SEPTIN9: variants seen among roughly 807,000 people sequenced by gnomAD.
SEPTIN9 encodes septin-9.
SEPTIN9 carries 13 observed loss-of-function variants against 56.6 expected under a neutral mutation model. The observed-to-expected ratio is 0.23, with a 90% CI of 0.15 to 0.37. The LOEUF (loss-of-function observed/expected upper bound fraction) is 0.37, where lower values mean the gene tolerates loss of function less well. SEPTIN9 is among the 10% of genes least tolerant of loss of function. SEPTIN9 has a pLI of 1.00. For missense variants in SEPTIN9, 650 were observed against 823.1 expected (o/e 0.79, Z 2.57); for synonymous variants, 332 against 334.1 (o/e 0.99, Z 0.07).
At chr17:77,325,945 G>A (rs2033121191) in intron 2 of SEPTIN9, among the ~76,000 whole-genome samples, 1 of 152,188 alleles carries the variant, frequency 6.6e-6, no homozygotes, top group African/African-American at 2.4e-5. Context: ...GCAACGGGGA[G>A]CTGGCTTTCC....
At chr17:77,426,590 G>A (rs996229240) in intron 3 of SEPTIN9, among the ~76,000 whole-genome samples, 5 of 152,108 alleles carry the variant, frequency 3.3e-5, no homozygotes, top group African/African-American at 7.2e-5. Context: ...TCATCCTCAC[G>A]GAAGAATATT....
chr17:77,290,581 AC>A (rs2143510908), intron 1 of SEPTIN9, among the ~76,000 whole-genome samples: 1 of 151,842 alleles, frequency 6.6e-6, no homozygotes, highest in Non-Finnish European at 1.5e-5. Flanking sequence ...TAATCCCAGC[AC>A]TTTGAGAGGC....
intron 3 of SEPTIN9, among the ~76,000 whole-genome samples, chr17:77,423,311 C>T (rs951125584): frequency 1.3e-5 from 2 of 152,216 alleles, no homozygotes; most frequent in Admixed American, 6.5e-5. Context: ...GCTGGGACTA[C>T]AGGCGTGAGC....
At chr17:77,438,212 C>T (rs1335112531) in intron 3 of SEPTIN9, among the ~76,000 whole-genome samples, 1 of 152,218 alleles carries the variant, frequency 6.6e-6, no homozygotes, top group African/African-American at 2.4e-5. Context: ...GCACTGCACA[C>T]ACTGCCTCAC....
chr17:77,371,181 T>C lies in SEPTIN9; in HGVS notation c.77-30878T>C, dbSNP rs312871. On this transcript the variant is annotated intron_variant, in intron 2 of 11. Coordinates refer to ENST00000427177, the MANE Select transcript of SEPTIN9 (RefSeq NM_001113491.2). This position sits in a 1 kb window ranked among gnomAD's most constrained non-coding sequence, Gnocchi z 4.1. Reference sequence around the variant, plus strand: ...GTTTCTAGGCCTGGTCATGTGGCTCTGAGTGATTACATTGAAGGGGCAGTG... The same window carrying C: ...GTTTCTAGGCCTGGTCATGTGGCTCCGAGTGATTACATTGAAGGGGCAGTG... Among the ~76,000 whole-genome samples the C allele has an allele frequency of 0.01, 1,547 of 152,306 alleles. 23 individuals carry two copies. Among genetic ancestry groups the C allele is most frequent in the African/African-American group, 0.035 (1,460 of 41,566 alleles).
At chr17:77,471,783 T>A (rs895856333) in intron 3 of SEPTIN9, among the ~76,000 whole-genome samples, 50 of 152,232 alleles carry the variant, frequency 3.3e-4, no homozygotes, top group African/African-American at 1.1e-3. Flanking sequence ...ACTGTGGACA[T>A]GGCTGGAGGG....
intron 3 of SEPTIN9, among the ~76,000 whole-genome samples, chr17:77,466,103 CACACGA>C (rs1339532838): frequency 1.5e-5 from 2 of 132,934 alleles, no homozygotes; most frequent in African/African-American, 5.7e-5. Context: ...CACACACACA[CACACGA>C]GTAAACTGTA....
At chr17:77,365,894 G>T (rs926495315) in intron 2 of SEPTIN9, among the ~76,000 whole-genome samples, 3 of 152,152 alleles carry the variant, frequency 2.0e-5, no homozygotes, top group African/African-American at 7.2e-5. Flanking sequence ...TCCTGCTGAC[G>T]TGGAACTAGG....
intron 3 of SEPTIN9, among the ~76,000 whole-genome samples, chr17:77,457,023 G>A (rs554636355): frequency 2.5e-3 from 382 of 152,340 alleles, no homozygotes; most frequent in Non-Finnish European, 3.5e-3. Context: ...GCGGTCTCAG[G>A]GGACTCAGAC....
At chr17:77,479,466 G>A (rs1194182510) in intron 3 of SEPTIN9, among the ~76,000 whole-genome samples, 2 of 152,256 alleles carry the variant, frequency 1.3e-5, no homozygotes, top group Non-Finnish European at 2.9e-5. Flanking sequence ...GGCCTGCAAG[G>A]CCGCCTCTCG....
At chr17:77,359,748 A>G (rs2143843966) in intron 2 of SEPTIN9, among the ~76,000 whole-genome samples, 1 of 152,222 alleles carries the variant, frequency 6.6e-6, no homozygotes, top group African/African-American at 2.4e-5. Context: ...GTGAGCTATG[A>G]TTGCACCACT....
Position 77,492,142 on chromosome 17 carries a change from G to A in SEPTIN9, c.1381-479G>A, listed in dbSNP as rs1286443728. 6.6e-6 allele frequency among the ~76,000 whole-genome samples: 1 copy of A among 152,218 alleles called. No homozygotes were observed. Among genetic ancestry groups the A allele is most frequent in the African/African-American group, 2.4e-5 (1 of 41,456 alleles). On this transcript the variant is annotated intron_variant, in intron 8 of 11. Coordinates refer to ENST00000427177, the MANE Select transcript of SEPTIN9 (RefSeq NM_001113491.2). The surrounding 1 kb of genome is among the most constrained non-coding windows in gnomAD (Gnocchi z 5.4). ...GGTGTGTCTGCCGGAGGCTACACAC[G>A]GGCTGTGGTCTGTGCCTGGGCAGGC...
rs1206580473 is a variant in SEPTIN9 at position 77,317,016 on chromosome 17, T to A, written c.76+9819T>A. ...AAACAAACCAAGAAACCTCTGCGATTCCTGCCCATCGGAGTCAGTGGTTGT... is the reference window on the plus strand; with the variant it reads ...AAACAAACCAAGAAACCTCTGCGATACCTGCCCATCGGAGTCAGTGGTTGT... On this transcript the variant is annotated intron_variant, in intron 2 of 11. Transcript: ENST00000427177. The surrounding 1 kb of genome is among the most constrained non-coding windows in gnomAD (Gnocchi z 4.2). Among the ~76,000 whole-genome samples, 1 of 152,246 alleles carries A rather than the reference T, an allele frequency of 6.6e-6. No individual in the cohort carries two copies. Among genetic ancestry groups the A allele is most frequent in the Non-Finnish European group, 1.5e-5 (1 of 68,040 alleles).
intron 3 of SEPTIN9, among the ~76,000 whole-genome samples, chr17:77,470,530 CCACTCATCCACCAATT>C (rs1369890994): frequency 7.9e-5 from 12 of 152,184 alleles, no homozygotes; most frequent in Admixed American, 5.9e-4. Flanking sequence ...ATCCATCTAT[CCACTCATCCACCAATT>C]CACTCATCCA....
chr17:77,354,223 C>T (rs1157467718), intron 2 of SEPTIN9, among the ~76,000 whole-genome samples: 1 of 152,196 alleles, frequency 6.6e-6, no homozygotes, highest in Non-Finnish European at 1.5e-5. Context: ...TTCATGACAA[C>T]CCTGTGAAGT....
chr17:77,341,500 C>T (rs1196731692), intron 2 of SEPTIN9, among the ~76,000 whole-genome samples: 1 of 152,180 alleles, frequency 6.6e-6, no homozygotes, highest in East Asian at 1.9e-4. Flanking sequence ...GATCACTGGG[C>T]GCGGTGGCCC....
Position 77,473,562 on chromosome 17 carries a change from C to T in SEPTIN9, c.722-8582C>T, listed in dbSNP as rs72887172. Among the ~76,000 whole-genome samples, 1,309 of 152,214 alleles carry T rather than the reference C, an allele frequency of 8.6e-3. 7 individuals are homozygous for T. Among genetic ancestry groups the T allele is most frequent in the South Asian group, 0.012 (60 of 4,822 alleles). ...ATTCTTTGATGAACCGTTCAAAATA[C>T]GTGTGTGTCTGTCTGTCTGTCTTCA... is the stretch of plus-strand genomic sequence containing the variant. On this transcript the variant is annotated intron_variant, in intron 3 of 11. Transcript: ENST00000427177.
At chr17:77,417,305 G>T (rs1304832746) in intron 3 of SEPTIN9, among the ~76,000 whole-genome samples, 1 of 152,238 alleles carries the variant, frequency 6.6e-6, no homozygotes, top group Non-Finnish European at 1.5e-5. Context: ...CCAAGCTCTG[G>T]AGGTGGGGAA....
At chr17:77,382,877 G>A (rs2574853) in intron 2 of SEPTIN9, among the ~76,000 whole-genome samples, 2,408 of 151,704 alleles carry the variant, frequency 0.016, 67 homozygotes, top group African/African-American at 0.056. Context: ...CCCTAGCCCC[G>A]CTGCCCTGCC....
Sources: allele counts gnomAD v4.1 joint callset (sites outside exome capture counted in the v4.1 genomes callset), GRCh38; gene constraint gnomAD v4.1.1; non-coding constraint Gnocchi (gnomAD v3.1); transcripts MANE v1.5; gene names NCBI Gene and HGNC (gene_info 2026-07-23, HGNC 2026-07-21).